The following CDK19 variants were observed in gnomAD, a reference collection of about 807,000 sequenced individuals.
CDK19 encodes the protein cyclin-dependent kinase 19.
A neutral mutation model predicts 68.3 loss-of-function variants in CDK19; 20 were observed. The observed-to-expected ratio is 0.29, with a 90% CI of 0.21 to 0.43. The LOEUF (loss-of-function observed/expected upper bound fraction) is 0.43, where lower values mean the gene tolerates loss of function less well. Ranked by LOEUF, CDK19 falls within the 20% of genes least tolerant of loss-of-function variation. The pLI, the probability that CDK19 is intolerant of heterozygous loss-of-function variation, is 1.00. For synonymous variants in CDK19, 221 were observed against 222.8 expected, an observed-to-expected ratio of 0.99 and a Z score of 0.07; for missense variants, 339 against 623.5, an observed-to-expected ratio of 0.54 and a Z score of 4.86.
intron 4 of CDK19, among the ~76,000 whole-genome samples, chr6:110,639,652 TGGATTACTTTAAAGATCCCTTTC>T: frequency 6.6e-6 from 1 of 152,356 alleles, no homozygotes; most frequent in South Asian, 2.1e-4. Flanking sequence ...AAGATTAAAC[TGGATTACTTTAAAGATCCCTTTC>T]AATTTGCTGA....
intron 2 of CDK19, among the ~76,000 whole-genome samples, chr6:110,734,177 T>G (rs1776995091): frequency 6.6e-6 from 1 of 152,098 alleles, no homozygotes; most frequent in Non-Finnish European, 1.5e-5. Context: ...GTCAGGCTAA[T>G]TTTTGTATTT....
intron 2 of CDK19, among the ~76,000 whole-genome samples, chr6:110,723,501 T>C (rs1164009146): frequency 6.6e-6 from 1 of 152,164 alleles, no homozygotes; most frequent in African/African-American, 2.4e-5. Context: ...ATAATAAATA[T>C]ATTAGGGGAA....
In CDK19 at chr6:110,669,209, T is replaced by C. The variant is rs866443679; in HGVS notation, c.315+1222A>G. Among the ~76,000 whole-genome samples the C allele has an allele frequency of 2.0e-5, 3 of 152,370 alleles. No individual in the cohort carries two copies. The Middle Eastern group carries it at 0.01, about 518-fold the overall frequency. ...AAAACACACTGGAAATTCTTGTCCA[T>C]ATCTGCTATAATAGCATACACTCTG... On this transcript the variant is annotated intron_variant, in intron 3 of 12. Coordinates refer to ENST00000368911, the MANE Select transcript of CDK19 (RefSeq NM_015076.5).
At chr6:110,729,699 G>C (rs1776607746) in intron 2 of CDK19, among the ~76,000 whole-genome samples, 1 of 150,078 alleles carries the variant, frequency 6.7e-6, no homozygotes, top group Admixed American at 6.7e-5. Flanking sequence ...GCCTCCCAAA[G>C]TGCTGGGATT....
At chr6:110,736,556 TCTC>T (rs963805469) in intron 2 of CDK19, among the ~76,000 whole-genome samples, 1 of 152,164 alleles carries the variant, frequency 6.6e-6, no homozygotes, top group African/African-American at 2.4e-5. Flanking sequence ...ATCACTTCAA[TCTC>T]CTATTTTTAA....
At chr6:110,742,145 C>T (rs1019695379) in intron 2 of CDK19, among the ~76,000 whole-genome samples, 11 of 152,116 alleles carry the variant, frequency 7.2e-5, no homozygotes, top group Admixed American at 6.6e-4. Flanking sequence ...CGGCTGGAGC[C>T]GCAGCAGAGG....
chr6:110,630,324 C>G (rs748449285), intron 6 of CDK19, among the ~76,000 whole-genome samples: 18 of 152,218 alleles, frequency 1.2e-4, no homozygotes, highest in Non-Finnish European at 2.2e-4. Flanking sequence ...CTCCCTTCCT[C>G]GTGTCCTGGG....
chr6:110,789,575 C>T (rs1781458242), intron 1 of CDK19, among the ~76,000 whole-genome samples: 1 of 152,164 alleles, frequency 6.6e-6, no homozygotes, highest in South Asian at 2.1e-4. Flanking sequence ...CCATGCCAGC[C>T]AAATTTTAAC....
At chr6:110,692,266 C>G (rs1773062299) in intron 2 of CDK19, among the ~76,000 whole-genome samples, 2 of 150,528 alleles carry the variant, frequency 1.3e-5, no homozygotes, top group African/African-American at 4.9e-5. Flanking sequence ...TGCACTCCAG[C>G]CTGGTGACAG....
At chr6:110,677,570 T>TAA (rs538974161) in intron 2 of CDK19, among the ~76,000 whole-genome samples, 59 of 59,654 alleles carry the variant, frequency 9.9e-4, no homozygotes, top group Non-Finnish European at 1.3e-3. Context: ...CATCTCAACA[T>TAA]AAAAAAAAAA....
At chr6:110,623,749 T>C (rs954575733) in intron 8 of CDK19, among the ~76,000 whole-genome samples, 4 of 88,180 alleles carry the variant, frequency 4.5e-5, no homozygotes, top group African/African-American at 2.2e-4. Context: ...TATATATATA[T>C]ATACATATAT....
In CDK19 at chr6:110,714,894, C is replaced by T. The variant is rs145002227; in HGVS notation, c.204+31232G>A. 5.4e-3 allele frequency among the ~76,000 whole-genome samples: 820 copies of T among 151,804 alleles called. 4 individuals are homozygous for T. Among genetic ancestry groups the T allele is most frequent in the African/African-American group, 0.019 (775 of 41,402 alleles). On this transcript the variant is annotated intron_variant, in intron 2 of 12. Transcript: ENST00000368911. ...AATTACAGGCATGCGCCACCACGCC[C>T]GGCTAATTTCTGTATTTTTAGTAGA... is the stretch of plus-strand genomic sequence containing the variant.
chr6:110,789,588 T>C (rs1436652810), intron 1 of CDK19, among the ~76,000 whole-genome samples: 3 of 152,218 alleles, frequency 2.0e-5, no homozygotes, highest in Non-Finnish European at 2.9e-5. Context: ...ATTTTAACTT[T>C]ATTTTTAGAC....
chr6:110,632,775 C>A (rs1182196556), intron 5 of CDK19, among the ~76,000 whole-genome samples: 1 of 152,112 alleles, frequency 6.6e-6, no homozygotes, highest in Non-Finnish European at 1.5e-5. Flanking sequence ...GGTCACACAG[C>A]TAGTAAGTGC....
At chr6:110,778,090 C>T (rs1780536084) in intron 1 of CDK19, among the ~76,000 whole-genome samples, 1 of 152,100 alleles carries the variant, frequency 6.6e-6, no homozygotes, top group Non-Finnish European at 1.5e-5. Context: ...TGAATGTACT[C>T]AATCCCACTG....
intron 2 of CDK19, among the ~76,000 whole-genome samples, chr6:110,719,983 CCCA>C (rs546137872): frequency 2.8e-4 from 28 of 100,596 alleles, no homozygotes; most frequent in African/African-American, 5.6e-4. Context: ...CCCCCCCCCC[CCCA>C]CCCCCCCCCT....
chr6:110,625,587 C>CAATT (rs1485854000), intron 8 of CDK19, among the ~76,000 whole-genome samples: 1 of 151,900 alleles, frequency 6.6e-6, no homozygotes, highest in African/African-American at 2.4e-5. Context: ...TTCCATAAGG[C>CAATT]AATTAGATAA....
At chr6:110,644,813 AG>A (rs1780445340) in intron 4 of CDK19, among the ~76,000 whole-genome samples, 2 of 150,554 alleles carry the variant, frequency 1.3e-5, no homozygotes. Flanking sequence ...GAGGGGAGGC[AG>A]GGGGGAAGAT....
At chr6:110,755,407 A>G (rs1416396167) in intron 1 of CDK19, among the ~76,000 whole-genome samples, 4 of 152,194 alleles carry the variant, frequency 2.6e-5, no homozygotes, top group Non-Finnish European at 2.9e-5. Flanking sequence ...TATAACAGAA[A>G]AACATGCAAA....
Sources: allele counts gnomAD v4.1 joint callset (sites outside exome capture counted in the v4.1 genomes callset), GRCh38; gene constraint gnomAD v4.1.1; transcripts MANE v1.5; gene names NCBI Gene and HGNC (gene_info 2026-07-23, HGNC 2026-07-21).